Variants in SNX9 observed in about 807,000 individuals in gnomAD.
The protein encoded by SNX9 is sorting nexin 9, also known as sorting nexin-9.
Under a neutral mutation model 89.4 loss-of-function variants are expected in SNX9, and 44 were observed. The observed-to-expected ratio is 0.49, with a 90% confidence interval of 0.39 to 0.63. SNX9 has a LOEUF of 0.63. Among genes scored for constraint, SNX9 ranks in the 30% least tolerant of loss-of-function variants. The pLI is 0.00. For synonymous variants in SNX9, 236 were observed against 247.8 expected (o/e 0.95, Z 0.45); for missense variants, 578 against 736.1 (o/e 0.79, Z 2.49).
chr6:157,902,723 A>G (rs1368244477), intron 6 of SNX9, among the ~76,000 whole-genome samples: 1 of 152,148 alleles, frequency 6.6e-6, no homozygotes, highest in Non-Finnish European at 1.5e-5. Context: ...GCTGAAGTGC[A>G]GTGGTGCGAT....
chr6:157,927,252 G>T (rs371628728), intron 11 of SNX9, 38 bp downstream of exon 11: 2 of 1,428,462 alleles, frequency 1.4e-6, no homozygotes, highest in South Asian at 1.1e-5. Flanking sequence ...TTCTCAATCC[G>T]CACCCTCCTC....
chr6:157,865,229 C>G (rs752258414), intron 1 of SNX9, among the ~76,000 whole-genome samples: 27 of 150,974 alleles, frequency 1.8e-4, no homozygotes, highest in Admixed American at 4.6e-4. Context: ...GTCCCAGCTA[C>G]TTGGGAGGCT....
intron 9 of SNX9, among the ~76,000 whole-genome samples, chr6:157,913,058 A>G (rs1583233431): frequency 6.6e-6 from 1 of 152,184 alleles, no homozygotes; most frequent in Non-Finnish European, 1.5e-5. Flanking sequence ...TCTGGGTACA[A>G]CTCACCTAGC....
At position 157,942,911 on chromosome 6, in the gene SNX9, T is replaced by C; in HGVS notation, c.*73T>C. On this transcript the variant is annotated 3_prime_UTR_variant, in exon 18 of 18. Transcript: ENST00000392185. ...GGGCAATGCAATTCAAAACTTTTTT[T>C]CCCCTATTATTCAGAAAAAAAAGGA... The C allele has an allele frequency of 6.1e-6, 9 of 1,469,468 alleles. No individual in the cohort carries two copies. Among genetic ancestry groups the C allele is most frequent in the Admixed American group, 2.3e-5 (1 of 44,192 alleles). 91.0% of individuals were successfully genotyped at this position (1,469,468 alleles called of 1,614,324 possible). A position where few individuals can be genotyped will look rare whatever the true frequency, so the allele number is the denominator to read the frequency against.
At position 157,918,899 on chromosome 6, in the gene SNX9, T is replaced by TTA. The variant is rs1457601694; in HGVS notation, c.950-2624_950-2623dup. ...CCTTCCCTCATTTATGCCATTATTT[T>TTA]TATATATATTACATCTGTATGTTAT... On this transcript the variant is annotated intron_variant, in intron 9 of 17. Coordinates refer to ENST00000392185, the MANE Select transcript of SNX9 (RefSeq NM_016224.5). Among the ~76,000 whole-genome samples, 20 of 152,212 alleles carry TTA rather than the reference T, an allele frequency of 1.3e-4. No homozygotes were observed. In the South Asian group the frequency reaches 3.9e-3, roughly 30 times the overall value.
At chr6:157,885,259 A>G (rs1486895282) in intron 4 of SNX9, 1 of 152,218 alleles carries the variant, frequency 6.6e-6, no homozygotes, top group African/African-American at 2.4e-5. Flanking sequence ...ATGACTGGCT[A>G]TAAATAGATT....
intron 1 of SNX9, among the ~76,000 whole-genome samples, chr6:157,827,798 A>T (rs1781409150): frequency 6.6e-6 from 1 of 150,576 alleles, no homozygotes; most frequent in Non-Finnish European, 1.5e-5. Flanking sequence ...ACTAATTTGG[A>T]TCCTTTTGTG....
rs746099515 is a variant in SNX9 at position 157,935,913 on chromosome 6, A to G, written c.1367-51A>G. The G allele has an allele frequency of 3.8e-6, 5 of 1,331,892 alleles. No individual in the cohort carries two copies. The African/African-American group carries it at 7.6e-5, about 20-fold the overall frequency. 82.5% of individuals were successfully genotyped at this position (1,331,892 alleles called of 1,614,324 possible). ...ATCAATAATAAAATTTTAACAAGTG[A>G]AAAGAAAATATGCATAACTTATAAC... On this transcript the variant is annotated intron_variant, in intron 13 of 17. Transcript: ENST00000392185.
Position 157,940,909 on chromosome 6 carries a change from C to A in SNX9, c.1675C>A (p.Arg559=). The change falls in exon 17 of 18, where the codon CGG becomes AGG. Residue 559 remains arginine (R), a synonymous_variant. Coordinates refer to ENST00000392185, the MANE Select transcript of SNX9 (RefSeq NM_016224.5). ...QAEMNHFHSN[R]IYDYNSVIRL... is the part of the protein sequence containing the mutation. ...TGAGATGAATCACTTTCACAGTAACCGGATCTATGATTACAACAGTGTCAT... is the reference window on the plus strand; with the variant it reads ...TGAGATGAATCACTTTCACAGTAACAGGATCTATGATTACAACAGTGTCAT... 1 of 1,614,092 alleles carries A rather than the reference C, an allele frequency of 6.2e-7. No homozygotes were observed.
intron 6 of SNX9, among the ~76,000 whole-genome samples, chr6:157,902,911 G>A (rs1015077732): frequency 6.6e-6 from 1 of 151,034 alleles, no homozygotes; most frequent in African/African-American, 2.4e-5. Flanking sequence ...CAAGTGATCC[G>A]CCCGCCTCTA....
At chr6:157,906,315 A>G in intron 7 of SNX9, 103 bp downstream of exon 7, 1 of 833,784 alleles carries the variant, frequency 1.2e-6, no homozygotes, top group Non-Finnish European at 1.9e-6. Context: ...GTATTTTTAA[A>G]TATATTTAAT....
intron 1 of SNX9, among the ~76,000 whole-genome samples, chr6:157,865,680 T>C (rs1163691775): frequency 6.6e-6 from 1 of 152,252 alleles, no homozygotes; most frequent in Non-Finnish European, 1.5e-5. Flanking sequence ...CACATATTCG[T>C]CCATCAGTCC....
chr6:157,840,261 G>A (rs12205156), intron 1 of SNX9, among the ~76,000 whole-genome samples: 2,574 of 151,984 alleles, frequency 0.017, 72 homozygotes, highest in South Asian at 0.044. Flanking sequence ...GCACAGTGAG[G>A]CCAGAGCTGA....
intron 1 of SNX9, among the ~76,000 whole-genome samples, chr6:157,836,627 C>CTG (rs1781588441): frequency 1.3e-5 from 2 of 150,752 alleles, no homozygotes; most frequent in African/African-American, 4.9e-5. Flanking sequence ...GAGTCTTACT[C>CTG]TCGCCCAGGC....
At chr6:157,841,133 G>T (rs1583193838) in intron 1 of SNX9, among the ~76,000 whole-genome samples, 1 of 152,172 alleles carries the variant, frequency 6.6e-6, no homozygotes, top group South Asian at 2.1e-4. Context: ...GCTGTTATGG[G>T]CTAAGAAGAA....
chr6:157,856,040 C>T (rs190705609), intron 1 of SNX9, among the ~76,000 whole-genome samples: 180 of 152,344 alleles, frequency 1.2e-3, no homozygotes, highest in African/African-American at 3.3e-3. Context: ...TGAGCCACCA[C>T]GCCCGGCCTG....
intron 4 of SNX9, among the ~76,000 whole-genome samples, chr6:157,893,995 A>G (rs1039857702): frequency 1.1e-4 from 16 of 152,114 alleles, no homozygotes; most frequent in African/African-American, 3.9e-4. Flanking sequence ...CGGCATTTCA[A>G]ATCATGGGGG....
chr6:157,942,179 C>T (rs1181320940), intron 17 of SNX9, among the ~76,000 whole-genome samples: 1 of 152,096 alleles, frequency 6.6e-6, no homozygotes, highest in African/African-American at 2.4e-5. Flanking sequence ...GCAAAGTAAC[C>T]CTTAAGTTAC....
chr6:157,846,299 T>G (rs2115117589), intron 1 of SNX9, among the ~76,000 whole-genome samples: 1 of 152,376 alleles, frequency 6.6e-6, no homozygotes, highest in African/African-American at 2.4e-5. Context: ...ACCATATCCT[T>G]AAGCCTACAT....
Sources: allele counts gnomAD v4.1 joint callset (sites outside exome capture counted in the v4.1 genomes callset), GRCh38; gene constraint gnomAD v4.1.1; transcripts MANE v1.5; gene names NCBI Gene and HGNC (gene_info 2026-07-23, HGNC 2026-07-21).